ADGRE1: variants seen among roughly 807,000 people sequenced by gnomAD.
ADGRE1 encodes adhesion G protein-coupled receptor E1, also known as EGF-like module receptor 1.
Under a neutral mutation model 102.7 loss-of-function variants are expected in ADGRE1, and 82 were observed. That is an observed-to-expected ratio of 0.80 (90% CI 0.67 to 0.96). The LOEUF is 0.96. Among genes scored for constraint, ADGRE1 ranks in the 40% least tolerant of loss-of-function variants. ADGRE1 has a pLI of 0.00. For missense variants in ADGRE1, 1,032 were observed against 1,085.3 expected, an observed-to-expected ratio of 0.95 and a Z score of 0.69; for synonymous variants, 398 against 399.6, an observed-to-expected ratio of 1.00 and a Z score of 0.05.
chr19:6,911,789 A>C lies in ADGRE1; in HGVS notation c.1123-1864A>C, dbSNP rs540464674. Among the ~76,000 whole-genome samples the C allele has an allele frequency of 3.5e-3, 300 of 85,878 alleles. 6 individuals are homozygous for C. The highest frequency in any genetic ancestry group is 8.5e-3 in the African/African-American group (287 of 33,878). 56.3% of individuals were successfully genotyped at this position (85,878 alleles called of 152,430 possible). A position where few individuals can be genotyped will look rare whatever the true frequency, so the allele number is the denominator to read the frequency against. On this transcript the variant is annotated intron_variant, in intron 10 of 20. Transcript: ENST00000312053. ...CACACATATACATATGCATATACAC[A>C]TATAACATACATACACATGCACACA...
chr19:6,904,347 G>C (rs535848071), intron 8 of ADGRE1, among the ~76,000 whole-genome samples, 165 bp downstream of exon 8: 1 of 125,914 alleles, frequency 7.9e-6, no homozygotes, highest in South Asian at 2.5e-4. Context: ...ATGATTTTTG[G>C]AGTACCTATT....
chr19:6,908,756 C>G lies in ADGRE1; in HGVS notation c.1106C>G (p.Thr369Ser). Residue 369 changes from threonine (T) to serine (S), a missense_variant, in exon 10 of 21, where the codon ACC becomes AGC. Physicochemically the swap from Thr to Ser is moderately conservative, Grantham distance 58. Transcript: ENST00000312053. ...GACAAAGTGTGTGAAAATAAAACGA[C>G]CGTAGTTTCTCTGAAGGTAACGATT... ...VLDKVCENKT[T>S]VVSLKNTTES... 6.2e-7 allele frequency: 1 copy of G among 1,609,418 alleles called. No individual in the cohort carries two copies. Among genetic ancestry groups the G allele is most frequent in the Non-Finnish European group, 8.5e-7 (1 of 1,178,834 alleles).
chr19:6,916,430 C>A lies in ADGRE1; in HGVS notation c.1420+62C>A. The A allele has an allele frequency of 3.2e-6, 5 of 1,548,880 alleles. No individual in the cohort carries two copies. The South Asian group carries it at 6.2e-5, about 19-fold the overall frequency. On this transcript the variant is annotated intron_variant, in intron 12 of 20. Transcript: ENST00000312053. ...ATTCCATCAATAAGTATTTATCGAT[C>A]CCTTTCTAGGTGCCAAGACCAGTGC...
intron 5 of ADGRE1, chr19:6,898,747 A>G: frequency 3.1e-6 from 2 of 635,336 alleles, no homozygotes; most frequent in Non-Finnish European, 5.4e-6. Context: ...TCACTGGAAG[A>G]CCATATGAGA....
chr19:6,936,894 A>G (rs1975433390), intron 18 of ADGRE1, among the ~76,000 whole-genome samples: 1 of 152,104 alleles, frequency 6.6e-6, no homozygotes, highest in Non-Finnish European at 1.5e-5. Flanking sequence ...AAGTGCTGGG[A>G]TTACAAGCAC....
At chr19:6,937,504 AC>A in intron 19 of ADGRE1, 39 bp from the exon 20 acceptor site, 1 of 1,535,472 alleles carries the variant, frequency 6.5e-7, no homozygotes, top group Non-Finnish European at 8.8e-7. Flanking sequence ...CTGTCACTGG[AC>A]CATTTCCCTG....
At chr19:6,928,437 C>T (rs2145008088) in intron 17 of ADGRE1, 2 of 1,109,442 alleles carry the variant, frequency 1.8e-6, no homozygotes, top group South Asian at 3.4e-5. Flanking sequence ...AACAGTCTGG[C>T]CAACTTGGCG....
intron 8 of ADGRE1, among the ~76,000 whole-genome samples, chr19:6,905,320 C>T (rs947588059): frequency 5.9e-5 from 9 of 151,290 alleles, no homozygotes; most frequent in African/African-American, 2.2e-4. Context: ...TGCACTCAAG[C>T]CTGGGTGACA....
In ADGRE1 at chr19:6,908,778, G is replaced by T. The variant is rs542580161; in HGVS notation, c.1122+6G>T. On this transcript the variant is annotated splice_donor_region_variant and intron_variant, in intron 10 of 20. Transcript: ENST00000312053. ...CGACCGTAGTTTCTCTGAAGGTAAC[G>T]ATTGGGTCTTTTAAATTGTGTTTTG... The T allele has an allele frequency of 2.5e-6, 4 of 1,601,300 alleles. No homozygotes were observed. The highest frequency in any genetic ancestry group is 1.1e-5 in the South Asian group (1 of 88,176).
At chr19:6,916,137 T>C in intron 11 of ADGRE1, 112 bp from the exon 12 acceptor site, 1 of 1,240,538 alleles carries the variant, frequency 8.1e-7, no homozygotes, top group African/African-American at 1.5e-5. Flanking sequence ...TTGAACTTTC[T>C]ATTCTTTTCC....
At chr19:6,902,132 A>T (rs1273718496) in intron 6 of ADGRE1, 111 bp downstream of exon 6, 19 of 1,376,390 alleles carry the variant, frequency 1.4e-5, no homozygotes, top group Non-Finnish European at 1.9e-5. Context: ...TGCAAATCTG[A>T]AGCCAATAAT....
chr19:6,924,265 A>G (rs3895917), intron 14 of ADGRE1, among the ~76,000 whole-genome samples: 4,773 of 152,112 alleles, frequency 0.031, 209 homozygotes, highest in African/African-American at 0.099. Flanking sequence ...CCACTCCACC[A>G]TGAAATTGGG....
chr19:6,898,468 G>A, intron 5 of ADGRE1: 1 of 1,589,932 alleles, frequency 6.3e-7, no homozygotes, highest in African/African-American at 1.3e-5. Context: ...TACTGGTGAT[G>A]CCCTCAGGTT....
intron 20 of ADGRE1, 67 bp downstream of exon 20, chr19:6,937,715 C>T (rs1942779856): frequency 2.7e-6 from 4 of 1,458,762 alleles, no homozygotes; most frequent in Non-Finnish European, 3.8e-6. Flanking sequence ...TGACACTCAG[C>T]TCTGCCACGT....
At chr19:6,929,332 G>C (rs1221071784) in intron 17 of ADGRE1, among the ~76,000 whole-genome samples, 1 of 152,142 alleles carries the variant, frequency 6.6e-6, no homozygotes, top group African/African-American at 2.4e-5. Flanking sequence ...GGCTTGAGGG[G>C]GCGGTGTCTG....
chr19:6,891,594 C>T (rs1422316654), intron 2 of ADGRE1, among the ~76,000 whole-genome samples: 1 of 151,964 alleles, frequency 6.6e-6, no homozygotes, highest in Non-Finnish European at 1.5e-5. Flanking sequence ...GCTGGGACTA[C>T]AGGCGCCCGC....
At chr19:6,899,441 G>A (rs150847134) in intron 5 of ADGRE1, among the ~76,000 whole-genome samples, 1,844 of 152,262 alleles carry the variant, frequency 0.012, 32 homozygotes, top group African/African-American at 0.037. Context: ...CACTTTGGGA[G>A]GCCAAGGCGG....
At chr19:6,891,455 A>C (rs1222194190) in intron 2 of ADGRE1, among the ~76,000 whole-genome samples, 1 of 136,484 alleles carries the variant, frequency 7.3e-6, no homozygotes, top group Non-Finnish European at 1.6e-5. Context: ...CATCTTTCAC[A>C]TTTTTTTTTT....
intron 2 of ADGRE1, 39 bp from the exon 3 acceptor site, chr19:6,896,359 C>A (rs146061497): frequency 1.2e-6 from 2 of 1,605,790 alleles, no homozygotes; most frequent in Non-Finnish European, 1.7e-6. Context: ...CACTCTAATG[C>A]TCTAATCTTG....
Sources: gnomAD v4.1 joint callset for allele counts (sites outside exome capture counted in the v4.1 genomes callset) on GRCh38, gnomAD v4.1.1 for gene constraint, MANE v1.5 for transcripts, NCBI Gene and HGNC (gene_info 2026-07-23, HGNC 2026-07-21) for gene names.